The following ZGRF1 variants were observed in gnomAD, a reference collection of about 807,000 sequenced individuals.
The protein encoded by ZGRF1 is zinc finger GRF-type containing 1, also known as 5'-3' DNA helicase ZGRF1.
In ZGRF1, 196 loss-of-function variants were observed where a neutral mutation model predicts 203.5. That is an observed-to-expected ratio of 0.96 (90% CI 0.86 to 1.08). The LOEUF is 1.08. Ranked by LOEUF, ZGRF1 falls within the 50% of genes least tolerant of loss-of-function variation. ZGRF1 has a pLI of 0.00. For missense variants in ZGRF1, 2,326 were observed against 2,416.3 expected (o/e 0.96, Z 0.78); for synonymous variants, 809 against 841.3 (o/e 0.96, Z 0.66).
Position 112,598,500 on chromosome 4 carries a change from TA to T in ZGRF1, c.2976+5023del, listed in dbSNP as rs1363302435. Among the ~76,000 whole-genome samples the T allele has an allele frequency of 5.3e-5, 8 of 151,902 alleles. No individual in the cohort carries two copies. In the East Asian group the frequency reaches 1.2e-3, roughly 22 times the overall value. On this transcript the variant is annotated intron_variant, in intron 10 of 27. Transcript: ENST00000505019. ...TTAAAGTTATAATATAACTTAATAT[TA>T]TAGGTGCCTGGAAGAATATAAAGGA...
At position 112,558,248 on chromosome 4, in the gene ZGRF1, C is replaced by T. The variant is rs776927199; in HGVS notation, c.5022G>A (p.Leu1674=). The change falls in exon 20 of 28, where the codon CTG becomes CTA. Residue 1674 remains leucine (L), a synonymous_variant. Coordinates refer to ENST00000505019, the MANE Select transcript of ZGRF1 (RefSeq NM_018392.5). Reference sequence around the variant, plus strand: ...TGGTGGGAGCTTCACTCTTTTCAAACAGCTGTACAAAGAACAAAATCACCA... The same window carrying T: ...TGGTGGGAGCTTCACTCTTTTCAAATAGCTGTACAAAGAACAAAATCACCA... The part of the protein sequence containing the change: ...LAVVILFFVQ[L]FEKSEAPTIG... The T allele has an allele frequency of 1.2e-6, 2 of 1,604,614 alleles. No individual in the cohort carries two copies. The highest frequency in any genetic ancestry group is 3.4e-5 in the Admixed American group (2 of 58,534).
intron 2 of ZGRF1, 44 bp downstream of exon 2, chr4:112,633,112 G>T (rs778179926): frequency 3.8e-6 from 6 of 1,563,170 alleles, no homozygotes; most frequent in Non-Finnish European, 5.3e-6. Flanking sequence ...GAAAGAGACA[G>T]AGGAAGGGAA....
chr4:112,609,294 C>A, intron 8 of ZGRF1, 85 bp downstream of exon 8: 1 of 523,568 alleles, frequency 1.9e-6, no homozygotes, highest in Non-Finnish European at 3.3e-6. Flanking sequence ...ACCTTGTGAT[C>A]CACCCGCCTC....
chr4:112,603,371 T>C (rs1750261032), intron 10 of ZGRF1, among the ~76,000 whole-genome samples, 153 bp downstream of exon 10: 6 of 152,222 alleles, frequency 3.9e-5, no homozygotes, highest in Admixed American at 3.9e-4. Flanking sequence ...TAAAATACTT[T>C]TGTTATTTAG....
At chr4:112,615,842 C>A (rs2046849342) in intron 6 of ZGRF1, among the ~76,000 whole-genome samples, 1 of 151,570 alleles carries the variant, frequency 6.6e-6, no homozygotes, top group African/African-American at 2.4e-5. Context: ...ATCATGTTGG[C>A]CAGACTGGTC....
chr4:112,572,642 C>A (rs1232651493), intron 16 of ZGRF1, among the ~76,000 whole-genome samples: 1 of 152,140 alleles, frequency 6.6e-6, no homozygotes, highest in Non-Finnish European at 1.5e-5. Context: ...AAAATATTCA[C>A]AATCTATACA....
intron 3 of ZGRF1, among the ~76,000 whole-genome samples, chr4:112,625,784 A>G (rs1048652003): frequency 1.3e-5 from 2 of 150,780 alleles, no homozygotes; most frequent in African/African-American, 2.4e-5. Context: ...AATCCCAGCT[A>G]CTCAGGAGGC....
At chr4:112,615,610 T>G (rs1455558888) in intron 6 of ZGRF1, among the ~76,000 whole-genome samples, 1 of 151,932 alleles carries the variant, frequency 6.6e-6, no homozygotes, top group East Asian at 1.9e-4. Flanking sequence ...CTACTCATAT[T>G]TATTTTTCAT....
chr4:112,582,890 T>C (rs563995729), intron 15 of ZGRF1, among the ~76,000 whole-genome samples: 24 of 152,188 alleles, frequency 1.6e-4, no homozygotes, highest in South Asian at 2.1e-4. Context: ...CATTCATCCA[T>C]TGATGGACAC....
At chr4:112,546,995 T>C (rs1399806069) in intron 24 of ZGRF1, 4 of 212,332 alleles carry the variant, frequency 1.9e-5, no homozygotes, top group African/African-American at 4.6e-5. Flanking sequence ...CAATGTGAAG[T>C]AGTGCTCTAG....
Position 112,603,590 on chromosome 4 carries a change from C to G in ZGRF1, c.2910G>C (p.Glu970Asp). The G allele has an allele frequency of 6.2e-7, 1 of 1,613,728 alleles. No individual in the cohort carries two copies. The highest frequency in any genetic ancestry group is 8.5e-7 in the Non-Finnish European group (1 of 1,179,624). Residue 970 changes from glutamate (E) to aspartate (D), a missense_variant, in exon 10 of 28, where the codon GAG becomes GAC. By Grantham distance (45) the Glu-to-Asp change is conservative. Transcript: ENST00000505019. ...GTGTCTCTGTCATAAAGTTTTCATA[C>G]TCAGTGCTATCTGGAAACTGACTGC... is the stretch of plus-strand genomic sequence containing the variant. Reference protein sequence around the residue: ...LGCSQFPDSTEYENFMTETPE... With the variant: ...LGCSQFPDSTDYENFMTETPE...
intron 16 of ZGRF1, chr4:112,565,306 G>A (rs187355741): frequency 1.4e-6 from 2 of 1,473,838 alleles, no homozygotes; most frequent in African/African-American, 1.4e-5. Context: ...CCTTTTTGAA[G>A]ACACCAACCT....
intron 10 of ZGRF1, among the ~76,000 whole-genome samples, chr4:112,594,395 T>C (rs188005323): frequency 3.1e-4 from 47 of 152,256 alleles, no homozygotes; most frequent in African/African-American, 1.1e-3. Flanking sequence ...TTTTCTACTA[T>C]ATTTTCTAAT....
intron 16 of ZGRF1, among the ~76,000 whole-genome samples, chr4:112,575,393 C>T (rs985474425): frequency 8.5e-5 from 13 of 152,078 alleles, no homozygotes; most frequent in South Asian, 2.1e-4. Flanking sequence ...ACTGAGATAC[C>T]GGGTTCATCT....
intron 6 of ZGRF1, among the ~76,000 whole-genome samples, chr4:112,613,103 G>T (rs1214240090): frequency 6.6e-6 from 1 of 152,166 alleles, no homozygotes; most frequent in South Asian, 2.1e-4. Context: ...AGACCAGCCT[G>T]GCCAACATGC....
intron 8 of ZGRF1, among the ~76,000 whole-genome samples, chr4:112,606,877 AAGT>A (rs1483319870): frequency 1.3e-5 from 2 of 152,184 alleles, no homozygotes; most frequent in Non-Finnish European, 2.9e-5. Flanking sequence ...TTAGTTCATC[AAGT>A]AATATACAAA....
At chr4:112,588,482 T>G (rs1440901566) in intron 11 of ZGRF1, among the ~76,000 whole-genome samples, 1 of 152,198 alleles carries the variant, frequency 6.6e-6, no homozygotes, top group Non-Finnish European at 1.5e-5. Flanking sequence ...AAAAAAGATT[T>G]TAGCTTTATT....
At chr4:112,568,448 C>A (rs1445917396) in intron 16 of ZGRF1, among the ~76,000 whole-genome samples, 1 of 152,168 alleles carries the variant, frequency 6.6e-6, no homozygotes, top group South Asian at 2.1e-4. Context: ...TGGTGGCTCA[C>A]GCTTGTAATC....
intron 16 of ZGRF1, among the ~76,000 whole-genome samples, chr4:112,569,208 G>C (rs576532180): frequency 3.3e-5 from 5 of 152,270 alleles, no homozygotes; most frequent in South Asian, 4.1e-4. Flanking sequence ...ATAGAAAATA[G>C]ATCTATACTA....
Sources: allele counts gnomAD v4.1 joint callset (sites outside exome capture counted in the v4.1 genomes callset), GRCh38; gene constraint gnomAD v4.1.1; transcripts MANE v1.5; gene names NCBI Gene and HGNC (gene_info 2026-07-23, HGNC 2026-07-21).